Variants in ORC5 observed in about 807,000 individuals in gnomAD.
ORC5 encodes the protein protein phosphatase 1, regulatory subunit 117.
Under a neutral mutation model 58.8 loss-of-function variants are expected in ORC5, and 39 were observed. That is an observed-to-expected ratio of 0.66 (90% CI 0.51 to 0.87). The LOEUF (loss-of-function observed/expected upper bound fraction) is 0.87, where lower values mean the gene tolerates loss of function less well. Ranked by LOEUF, ORC5 falls within the 40% of genes least tolerant of loss-of-function variation. The pLI, the probability that ORC5 is intolerant of heterozygous loss-of-function variation, is 0.00. For synonymous variants in ORC5, 218 were observed against 177.6 expected, an observed-to-expected ratio of 1.23 and a Z score of -1.81; for missense variants, 493 against 506.3, an observed-to-expected ratio of 0.97 and a Z score of 0.25.
At chr7:104,174,443 CT>C (rs1799279996) in intron 8 of ORC5, among the ~76,000 whole-genome samples, 1 of 152,178 alleles carries the variant, frequency 6.6e-6, no homozygotes, top group South Asian at 2.1e-4. Flanking sequence ...CCAAAACAAT[CT>C]ACCTTTGGGG....
chr7:104,160,627 T>C (rs1799005878), intron 12 of ORC5, among the ~76,000 whole-genome samples: 1 of 152,108 alleles, frequency 6.6e-6, no homozygotes, highest in Admixed American at 6.6e-5. Context: ...AACTTAATTA[T>C]TCTGGAAAAC....
intron 9 of ORC5, among the ~76,000 whole-genome samples, chr7:104,167,428 T>C (rs567811744): frequency 2.4e-4 from 37 of 152,302 alleles, no homozygotes; most frequent in African/African-American, 7.2e-4. Context: ...TCAGAAAATT[T>C]TGGAGCATTT....
chr7:104,191,694 ACAGTCTAGGACTATTCAAATT>A (rs1276416118), intron 5 of ORC5, among the ~76,000 whole-genome samples: 1 of 152,136 alleles, frequency 6.6e-6, no homozygotes, highest in Admixed American at 6.6e-5. Context: ...GCCAGCTCTA[ACAGTCTAGGACTATTCAAATT>A]CATTAAAAAA....
intron 6 of ORC5, 81 bp from the exon 7 acceptor site, chr7:104,184,252 T>C (rs1228928337): frequency 3.3e-6 from 3 of 902,374 alleles, no homozygotes; most frequent in Non-Finnish European, 5.0e-6. Flanking sequence ...GTAAAATCTG[T>C]ATTGCAGTTC....
chr7:104,141,295 G>A (rs1027777960), intron 12 of ORC5, among the ~76,000 whole-genome samples: 28 of 152,128 alleles, frequency 1.8e-4, no homozygotes, highest in South Asian at 1.7e-3. Flanking sequence ...TGTATTCACC[G>A]TAGAGGTGGA....
chr7:104,168,611 ATTT>A (rs1799148993), intron 8 of ORC5, 86 bp from the exon 9 acceptor site: 4 of 666,850 alleles, frequency 6.0e-6, no homozygotes, highest in South Asian at 6.6e-5. Flanking sequence ...GAAAAACTAA[ATTT>A]TTTTATTTAT....
intron 8 of ORC5, among the ~76,000 whole-genome samples, chr7:104,174,045 C>T (rs6977598): frequency 0.16 from 24,271 of 150,986 alleles, 2,028 homozygotes; most frequent in South Asian, 0.22. Flanking sequence ...GGGGTTTCAC[C>T]GTTTTAGCCG....
At chr7:104,151,149 G>C (rs1465552739) in intron 12 of ORC5, among the ~76,000 whole-genome samples, 1 of 152,016 alleles carries the variant, frequency 6.6e-6, no homozygotes, top group African/African-American at 2.4e-5. Flanking sequence ...GATTATGAAG[G>C]ACCTTGCAAT....
chr7:104,185,105 G>T (rs1203314911), intron 6 of ORC5, among the ~76,000 whole-genome samples: 1 of 149,464 alleles, frequency 6.7e-6, no homozygotes, highest in East Asian at 2.0e-4. Context: ...TAATAAATTT[G>T]TATGCAATAG....
At position 104,207,987 on chromosome 7, in the gene ORC5, C is replaced by A; in HGVS notation, c.-83G>T. ...ACGGAGCCTCTCCCGAGTCTGGCGGCCCACGCTCCCGCCGGAAACCGGACC... is the reference window on the plus strand; with the variant it reads ...ACGGAGCCTCTCCCGAGTCTGGCGGACCACGCTCCCGCCGGAAACCGGACC... On this transcript the variant is annotated 5_prime_UTR_variant, in exon 1 of 14. Transcript: ENST00000297431. 5 of 1,334,196 alleles carry A rather than the reference C, an allele frequency of 3.7e-6. No individual in the cohort carries two copies. Among genetic ancestry groups the A allele is most frequent in the South Asian group, 1.2e-5 (1 of 82,996 alleles). 82.6% of individuals were successfully genotyped at this position (1,334,196 alleles called of 1,614,324 possible).
intron 10 of ORC5, 28 bp from the exon 11 acceptor site, chr7:104,165,310 T>G: frequency 7.4e-7 from 1 of 1,353,112 alleles, no homozygotes; most frequent in African/African-American, 1.4e-5. Flanking sequence ...AAATTTTAAG[T>G]TGAAAAGACA....
Position 104,166,889 on chromosome 7 carries a change from A to G in ORC5, c.878-5T>C. 8 of 1,498,406 alleles carry G rather than the reference A, an allele frequency of 5.3e-6. No homozygotes were observed. Among genetic ancestry groups the G allele is most frequent in the South Asian group, 4.7e-5 (4 of 85,504 alleles). 92.8% of individuals were successfully genotyped at this position (1,498,406 alleles called of 1,614,324 possible). On this transcript the variant is annotated splice_polypyrimidine_tract_variant and splice_region_variant and intron_variant, in intron 9 of 13. Coordinates refer to ENST00000297431, the MANE Select transcript of ORC5 (RefSeq NM_002553.4). ...CATGAGTATGCGCTGAGAGGCCTAT[A>G]TAACAAAACACTTTGATGAAGTACT...
At chr7:104,193,302 C>G (rs1268680300) in intron 5 of ORC5, among the ~76,000 whole-genome samples, 1 of 151,958 alleles carries the variant, frequency 6.6e-6, no homozygotes, top group Non-Finnish European at 1.5e-5. Flanking sequence ...TGTAAGACAA[C>G]AGCAGTACAA....
chr7:104,159,286 A>G (rs539398834), intron 12 of ORC5, among the ~76,000 whole-genome samples: 1,577 of 126,008 alleles, frequency 0.013, 38 homozygotes, highest in African/African-American at 0.045. Context: ...ATGAGAACAC[A>G]TGGACACAGG....
At chr7:104,130,053 A>AT (rs1286560390) in intron 13 of ORC5, among the ~76,000 whole-genome samples, 5 of 150,492 alleles carry the variant, frequency 3.3e-5, no homozygotes, top group African/African-American at 1.2e-4. Flanking sequence ...TGAGTTTGAG[A>AT]TTTTTTTAAT....
At chr7:104,181,483 A>G (rs1799429187) in intron 8 of ORC5, among the ~76,000 whole-genome samples, 1 of 152,294 alleles carries the variant, frequency 6.6e-6, no homozygotes, top group East Asian at 1.9e-4. Context: ...CTGTCATATC[A>G]TATTAGAAAA....
At position 104,133,299 on chromosome 7, in the gene ORC5, A is replaced by G. The variant is rs1480181529; in HGVS notation, c.1262+3482T>C. 2.0e-5 allele frequency among the ~76,000 whole-genome samples: 3 copies of G among 152,150 alleles called. No individual in the cohort carries two copies. Among genetic ancestry groups the G allele is most frequent in the Non-Finnish European group, 4.4e-5 (3 of 68,030 alleles). On this transcript the variant is annotated intron_variant, in intron 13 of 13. Transcript: ENST00000297431. This position sits in a 1 kb window ranked among gnomAD's most constrained non-coding sequence, Gnocchi z 4.7. ...GATGGTGGCTTGATCTAGAGTGGTA[A>G]AAGTATCATGATAACAAGTGAATGA...
chr7:104,197,531 TG>T (rs1242363395), intron 4 of ORC5, among the ~76,000 whole-genome samples, 193 bp downstream of exon 4: 1 of 152,074 alleles, frequency 6.6e-6, no homozygotes, highest in East Asian at 1.9e-4. Context: ...CTAAAATAAT[TG>T]AAGAATAAAT....
At chr7:104,141,696 C>A (rs1242306545) in intron 12 of ORC5, among the ~76,000 whole-genome samples, 1 of 151,818 alleles carries the variant, frequency 6.6e-6, no homozygotes, top group African/African-American at 2.4e-5. Flanking sequence ...TATCAAAAAA[C>A]GAAATTTAAA....
Sources: allele counts gnomAD v4.1 joint callset (sites outside exome capture counted in the v4.1 genomes callset), GRCh38; gene constraint gnomAD v4.1.1; non-coding constraint Gnocchi (gnomAD v3.1); transcripts MANE v1.5; gene names NCBI Gene and HGNC (gene_info 2026-07-23, HGNC 2026-07-21).